Variants in SLIT1 observed in about 807,000 individuals in gnomAD.
SLIT1 encodes slit homolog 1 protein.
Under a neutral mutation model 186.1 loss-of-function variants are expected in SLIT1, and 66 were observed. That is an observed-to-expected ratio of 0.35 (90% CI 0.29 to 0.44). The LOEUF is 0.44. Among genes scored for constraint, SLIT1 ranks in the 20% least tolerant of loss-of-function variants. SLIT1 has a pLI of 1.00. For synonymous variants in SLIT1, 761 were observed against 833.8 expected (o/e 0.91, Z 1.50); for missense variants, 1,638 against 2,037.4 (o/e 0.80, Z 3.77).
intron 11 of SLIT1, 40 bp from the exon 12 acceptor site, chr10:97,057,321 C>T (rs555026075): frequency 1.2e-5 from 19 of 1,570,766 alleles, no homozygotes; most frequent in Non-Finnish European, 1.7e-5. Context: ...AGAGGACAGC[C>T]CACCAGGGCA....
At chr10:97,084,573 C>CCTTTT (rs1217616575) in intron 4 of SLIT1, among the ~76,000 whole-genome samples, 8 of 147,650 alleles carry the variant, frequency 5.4e-5, no homozygotes, top group Non-Finnish European at 1.2e-4. Flanking sequence ...TCTTTTCTTT[C>CCTTTT]CTTTTCTTTT....
At position 97,011,140 on chromosome 10, in the gene SLIT1, G is replaced by A; in HGVS notation, c.3204-10C>T. ...TGGCATGCACTCACACCTAGTGGGT[G>A]GGGGGCAGGGGTAGTTGGGGGGTCA... On this transcript the variant is annotated splice_polypyrimidine_tract_variant and intron_variant, in intron 30 of 36. Coordinates refer to ENST00000266058, the MANE Select transcript of SLIT1 (RefSeq NM_003061.3). The A allele has an allele frequency of 1.9e-6, 3 of 1,608,656 alleles. No homozygotes were observed. The highest frequency in any genetic ancestry group is 2.6e-6 in the Non-Finnish European group (3 of 1,175,584).
intron 4 of SLIT1, among the ~76,000 whole-genome samples, chr10:97,082,043 A>G (rs1849110477): frequency 6.6e-6 from 1 of 152,378 alleles, no homozygotes; most frequent in South Asian, 2.1e-4. Context: ...ACCCACCCTT[A>G]GACTCCTAGG....
chr10:97,166,121 CT>C (rs2134729888), intron 1 of SLIT1, among the ~76,000 whole-genome samples: 1 of 152,242 alleles, frequency 6.6e-6, no homozygotes, highest in East Asian at 1.9e-4. Context: ...AGTCTTCTCA[CT>C]TGGCCAATTT....
At chr10:97,121,797 C>T (rs143508267) in intron 4 of SLIT1, among the ~76,000 whole-genome samples, 3 of 152,316 alleles carry the variant, frequency 2.0e-5, no homozygotes, top group East Asian at 1.9e-4. Context: ...GCTATAGTCC[C>T]GCTCAACCCC....
chr10:97,062,409 C>T (rs1409088239), intron 8 of SLIT1, among the ~76,000 whole-genome samples: 2 of 152,220 alleles, frequency 1.3e-5, no homozygotes, highest in African/African-American at 4.8e-5. Context: ...GCCCAGTCCA[C>T]GGGTTTGGGA....
intron 28 of SLIT1, among the ~76,000 whole-genome samples, chr10:97,017,419 A>C (rs1332269707): frequency 3.3e-5 from 5 of 152,206 alleles, no homozygotes; most frequent in Non-Finnish European, 2.9e-5. Flanking sequence ...TTCAGCAACT[A>C]AATACTATGT....
chr10:97,164,794 G>A, intron 2 of SLIT1, 25 bp downstream of exon 2: 3 of 1,582,982 alleles, frequency 1.9e-6, no homozygotes, highest in Non-Finnish European at 2.6e-6. Flanking sequence ...CAGGGGTGGG[G>A]TGGGAGGGAG....
At position 97,006,488 on chromosome 10, in the gene SLIT1, A is replaced by G. The variant is rs766801117; in HGVS notation, c.3574T>C (p.Leu1192=). The change falls in exon 32 of 37, where the codon TTG becomes CTG. Residue 1192 remains leucine, a synonymous_variant. Transcript: ENST00000266058. The surrounding 1 kb of genome is among the most constrained non-coding windows in gnomAD (Gnocchi z 4.0). ...CCAAGCCCCCTGGCACGCACCTGCAACGTGATGTTGGCCCGTGGCCAGTTT... is the reference window on the plus strand; with the variant it reads ...CCAAGCCCCCTGGCACGCACCTGCAGCGTGATGTTGGCCCGTGGCCAGTTT... ...LQNWPRANIT[L]QVSTAEDNGI... 1.2e-6 allele frequency: 2 copies of G among 1,612,826 alleles called. No homozygotes were observed. The highest frequency in any genetic ancestry group is 1.1e-5 in the South Asian group (1 of 90,958).
At chr10:97,089,820 A>G (rs1209223171) in intron 4 of SLIT1, among the ~76,000 whole-genome samples, 1 of 152,114 alleles carries the variant, frequency 6.6e-6, no homozygotes, top group Non-Finnish European at 1.5e-5. Flanking sequence ...TTCACATGTC[A>G]GTTAAGGGCA....
chr10:97,066,019 T>G lies in SLIT1; in HGVS notation c.481A>C (p.Asn161His), dbSNP rs879072144. 5.6e-6 allele frequency: 9 copies of G among 1,602,192 alleles called. No homozygotes were observed. The South Asian group carries it at 1.0e-4, about 18-fold the overall frequency. The part of the protein sequence containing the change: ...KAFRGATDLK[N>H]LQLDKNQISC... ...CCCTCCCAGGCCTGTACTCACAAAT[T>G]TTTAAGGTCCGTAGCTCCCCGAAAA... Residue 161 changes from asparagine to histidine, a missense_variant, in exon 5 of 37, where the codon AAT becomes CAT. Around this residue, in one of 3 missense-constraint regions of SLIT1, gnomAD observed 1,245 missense variants for 1,535.3 expected, o/e 0.81. Transcript: ENST00000266058.
At chr10:97,033,590 C>G (rs1470414686) in intron 23 of SLIT1, among the ~76,000 whole-genome samples, 1 of 152,148 alleles carries the variant, frequency 6.6e-6, no homozygotes, top group African/African-American at 2.4e-5. Context: ...AATGAACAGA[C>G]CACAGCTGCC....
At chr10:97,116,903 C>T (rs142590371) in intron 4 of SLIT1, among the ~76,000 whole-genome samples, 1 of 152,204 alleles carries the variant, frequency 6.6e-6, no homozygotes, top group Non-Finnish European at 1.5e-5. Flanking sequence ...TGCCCACCCC[C>T]TCCTTCCACC....
chr10:97,127,061 C>T (rs985769953), intron 4 of SLIT1, among the ~76,000 whole-genome samples: 3 of 151,804 alleles, frequency 2.0e-5, no homozygotes, highest in South Asian at 2.1e-4. Context: ...GAGGCTGAGG[C>T]GGGTGGATCA....
chr10:97,111,534 C>T (rs764506375), intron 4 of SLIT1, among the ~76,000 whole-genome samples: 3 of 152,226 alleles, frequency 2.0e-5, no homozygotes, highest in East Asian at 1.9e-4. Context: ...TGTCTGTCCA[C>T]GCCTACAAAG....
rs1210583168 is a variant in SLIT1, at chr10:97,040,108, C to A, written c.2177G>T (p.Gly726Val). Residue 726 changes from glycine to valine, a missense_variant, in exon 21 of 37, where the codon GGG (glycine) becomes GTG (valine). Physicochemically the swap from Gly to Val is moderately radical, Grantham distance 109. Transcript: ENST00000266058. ...GCACTGTGGGCGGGGCAGGCAGCCC[C>A]CCTCCTCCTGGCCTAGGGAAGAAGG... is the stretch of plus-strand genomic sequence containing the variant. Reference protein sequence around the residue: ...DFRCEEGQEEGGCLPRPQCPQ... With the variant: ...DFRCEEGQEEVGCLPRPQCPQ... The A allele has an allele frequency of 1.9e-6, 3 of 1,580,012 alleles. No homozygotes were observed. The highest frequency in any genetic ancestry group is 2.4e-5 in the South Asian group (2 of 84,970).
In SLIT1 at chr10:97,037,762, A is replaced by G; in HGVS notation, c.2302T>C (p.Leu768=). The G allele has an allele frequency of 6.2e-7, 1 of 1,605,588 alleles. No homozygotes were observed. Among genetic ancestry groups the G allele is most frequent in the Non-Finnish European group, 8.5e-7 (1 of 1,173,112 alleles). The change falls in exon 22 of 37, where the codon TTG becomes CTG. Residue 768 remains leucine, a synonymous_variant. Transcript: ENST00000266058. ...ACCAGCGTGAACTGGTTCCCGTCCA[A>G]ATAGCTGCAGAGAGAACACAGCGGC... ...GIPKNVTELY[L]DGNQFTLVPG...
chr10:97,071,345 C>A (rs113903437), intron 4 of SLIT1, among the ~76,000 whole-genome samples: 2,200 of 152,270 alleles, frequency 0.014, 47 homozygotes, highest in African/African-American at 0.046. Flanking sequence ...GAAGGCGGGA[C>A]CTCCAGTGGG....
intron 1 of SLIT1, among the ~76,000 whole-genome samples, chr10:97,176,734 C>T (rs185987512): frequency 1.6e-4 from 25 of 152,314 alleles, no homozygotes; most frequent in African/African-American, 6.0e-4. Context: ...CTCCACACTG[C>T]TAACCCTCCT....
Sources: allele counts gnomAD v4.1 joint callset (sites outside exome capture counted in the v4.1 genomes callset), GRCh38; gene constraint gnomAD v4.1.1; regional missense constraint gnomAD v4.1.1; non-coding constraint Gnocchi (gnomAD v3.1); transcripts MANE v1.5; gene names NCBI Gene and HGNC (gene_info 2026-07-23, HGNC 2026-07-21).